The following NDRG3 variants were observed in gnomAD, a reference collection of about 807,000 sequenced individuals.
NDRG3 encodes the protein protein NDRG3.
NDRG3 carries 23 observed loss-of-function variants against 57.2 expected under a neutral mutation model. The observed-to-expected ratio is 0.40, with a 90% CI of 0.29 to 0.57. The LOEUF is 0.57. NDRG3 is among the 20% of genes least tolerant of loss of function. The pLI is 0.42. For synonymous variants in NDRG3, 132 were observed against 162.6 expected (o/e 0.81, Z 1.43); for missense variants, 384 against 457.3 (o/e 0.84, Z 1.46).
At chr20:36,666,210 A>C in intron 10 of NDRG3, 79 bp downstream of exon 10, 1 of 1,066,608 alleles carries the variant, frequency 9.4e-7, no homozygotes. Context: ...AAGATTAGAT[A>C]CAGTCCTCTC....
intron 3 of NDRG3, among the ~76,000 whole-genome samples, chr20:36,691,663 A>C (rs1300684924): frequency 6.6e-6 from 1 of 152,184 alleles, no homozygotes; most frequent in Non-Finnish European, 1.5e-5. Context: ...CAGTGAGCCG[A>C]AATTGTGACA....
chr20:36,685,641 A>G (rs1981717876), intron 5 of NDRG3, among the ~76,000 whole-genome samples: 2 of 152,186 alleles, frequency 1.3e-5, no homozygotes, highest in Admixed American at 1.3e-4. Context: ...AATTTGGTTC[A>G]TAATATGAAC....
chr20:36,662,735 C>G (rs1456892994), intron 12 of NDRG3, among the ~76,000 whole-genome samples: 5 of 152,162 alleles, frequency 3.3e-5, no homozygotes, highest in Admixed American at 3.3e-4. Context: ...ATAAAATGCT[C>G]TGGCAGGGGA....
intron 9 of NDRG3, among the ~76,000 whole-genome samples, chr20:36,668,104 T>C (rs1979792534): frequency 2.6e-5 from 4 of 152,020 alleles, no homozygotes. Flanking sequence ...TAGCTTAGTG[T>C]GGTGGTACGT....
intron 2 of NDRG3, among the ~76,000 whole-genome samples, chr20:36,710,301 G>A (rs1600936288): frequency 1.3e-5 from 2 of 152,220 alleles, no homozygotes; most frequent in East Asian, 3.9e-4. Context: ...TCCAGCCTGG[G>A]TGCAAAGTGA....
chr20:36,734,098 G>A (rs1213253620), intron 1 of NDRG3, among the ~76,000 whole-genome samples: 2 of 152,090 alleles, frequency 1.3e-5, no homozygotes, highest in Admixed American at 6.6e-5. Context: ...GGTGGCTCAC[G>A]CCTGTAATCC....
chr20:36,655,523 A>G (rs902891391), intron 15 of NDRG3, among the ~76,000 whole-genome samples: 2 of 152,260 alleles, frequency 1.3e-5, no homozygotes, highest in African/African-American at 2.4e-5. Flanking sequence ...GACTTGCTCT[A>G]AAACACTCTC....
intron 9 of NDRG3, among the ~76,000 whole-genome samples, chr20:36,671,083 A>G (rs1017338457): frequency 1.1e-4 from 17 of 152,206 alleles, no homozygotes; most frequent in African/African-American, 4.1e-4. Flanking sequence ...CGTGATGTCA[A>G]ACATTAACAG....
intron 2 of NDRG3, among the ~76,000 whole-genome samples, chr20:36,710,587 T>C (rs1241697805): frequency 6.6e-6 from 1 of 151,956 alleles, no homozygotes. Context: ...GGCGGATAGA[T>C]CATGAGGTCA....
intron 3 of NDRG3, among the ~76,000 whole-genome samples, chr20:36,704,712 G>A (rs1258397259): frequency 6.6e-6 from 1 of 152,186 alleles, no homozygotes; most frequent in Non-Finnish European, 1.5e-5. Flanking sequence ...GTGAATGACT[G>A]TATCAGCACT....
chr20:36,705,291 C>T (rs1277514051), intron 3 of NDRG3, among the ~76,000 whole-genome samples: 1 of 145,456 alleles, frequency 6.9e-6, no homozygotes, highest in Non-Finnish European at 1.5e-5. Flanking sequence ...CACTGCACTC[C>T]AGCCTGGGCG....
intron 5 of NDRG3, among the ~76,000 whole-genome samples, chr20:36,685,417 C>T (rs1981697409): frequency 6.6e-6 from 1 of 151,960 alleles, no homozygotes; most frequent in South Asian, 2.1e-4. Context: ...CTCAAGCTAT[C>T]CTCCTGCCTC....
intron 8 of NDRG3, among the ~76,000 whole-genome samples, chr20:36,677,488 A>G (rs1388906038): frequency 2.0e-5 from 3 of 152,178 alleles, no homozygotes; most frequent in African/African-American, 4.8e-5. Context: ...GGGCTCAGCC[A>G]GCGCAGGGTA....
Position 36,653,665 on chromosome 20 carries a change from C to A in NDRG3, c.983G>T (p.Arg328Leu), listed in dbSNP as rs1182325536. 12 of 1,613,732 alleles carry A rather than the reference C, an allele frequency of 7.4e-6. No individual in the cohort carries two copies. The highest frequency in any genetic ancestry group is 8.5e-6 in the Non-Finnish European group (10 of 1,180,030). The change falls in exon 16 of 16, where the codon CGA (arginine) becomes CTA (leucine). Residue 328 changes from arginine (R) to leucine (L), a missense_variant. Arg to Leu is a moderately radical substitution (Grantham distance 102). Coordinates refer to ENST00000349004, the MANE Select transcript of NDRG3 (RefSeq NM_032013.4). This position sits in a 1 kb window ranked among gnomAD's most constrained non-coding sequence, Gnocchi z 4.2. ...SASMTRLARS[R>L]THSTSSSLGS... ...GAGGCTACTCGAGGTTGAGTGGGTT[C>A]GTGATCGGGCGAGCCGAGTCATGCT...
intron 4 of NDRG3, 28 bp from the exon 5 acceptor site, chr20:36,687,640 A>G (rs372495075): frequency 1.2e-6 from 2 of 1,605,280 alleles, no homozygotes; most frequent in African/African-American, 2.7e-5. Flanking sequence ...CCCATAAGTC[A>G]CAGGCTCTCC....
chr20:36,712,581 ATATATATTTTTT>A (rs1983972893), intron 2 of NDRG3, among the ~76,000 whole-genome samples: 3 of 13,402 alleles, frequency 2.2e-4, no homozygotes, highest in South Asian at 7.8e-3. Flanking sequence ...ATATATATAT[ATATATATTTTTT>A]TTTTTTTTTT....
intron 3 of NDRG3, 148 bp from the exon 4 acceptor site, chr20:36,688,932 G>T (rs958153550): frequency 1.5e-6 from 1 of 646,630 alleles, no homozygotes; most frequent in African/African-American, 1.8e-5. Flanking sequence ...GGTGGTTCAC[G>T]CCTGTAATCC....
At chr20:36,726,357 G>C (rs1244023100) in intron 1 of NDRG3, among the ~76,000 whole-genome samples, 2 of 152,340 alleles carry the variant, frequency 1.3e-5, no homozygotes, top group Admixed American at 6.5e-5. Context: ...TGTTGTGCAG[G>C]ACAGTAAGCT....
chr20:36,712,142 T>G (rs1983924042), intron 2 of NDRG3, among the ~76,000 whole-genome samples: 1 of 151,916 alleles, frequency 6.6e-6, no homozygotes, highest in Non-Finnish European at 1.5e-5. Context: ...CAGACCCTCT[T>G]GAAGAATGGC....
Sources: gnomAD v4.1 joint callset for allele counts (sites outside exome capture counted in the v4.1 genomes callset) on GRCh38, gnomAD v4.1.1 for gene constraint, Gnocchi (gnomAD v3.1) non-coding constraint, MANE v1.5 for transcripts, NCBI Gene and HGNC (gene_info 2026-07-23, HGNC 2026-07-21) for gene names.